The following CYP4X1 variants were observed in gnomAD, a reference collection of about 807,000 sequenced individuals.
The protein encoded by CYP4X1 is cytochrome P450 family 4 subfamily X member 1.
In CYP4X1, 44 loss-of-function variants were observed where a neutral mutation model predicts 57.9. The observed-to-expected ratio is 0.76, with a 90% CI of 0.60 to 0.98. The LOEUF (loss-of-function observed/expected upper bound fraction) is 0.98, where lower values mean the gene tolerates loss of function less well. CYP4X1 is among the 50% of genes least tolerant of loss of function. CYP4X1 has a pLI of 0.00. For missense variants in CYP4X1, 532 were observed against 623.9 expected (o/e 0.85, Z 1.57); for synonymous variants, 227 against 228.6 (o/e 0.99, Z 0.06).
chr1:47,051,336 G>A (rs1331014639), downstream of CYP4X1, among the ~76,000 whole-genome samples: 20 of 148,352 alleles, frequency 1.3e-4, no homozygotes, highest in South Asian at 2.1e-4. Context: ...CCGAGGTGGC[G>A]CCACTGCACT....
the CYP4X1 span, among the ~76,000 whole-genome samples, chr1:46,963,275 T>C: frequency 6.6e-6 from 1 of 152,210 alleles, no homozygotes; most frequent in Non-Finnish European, 1.5e-5. Context: ...TATTGTTATG[T>C]GTGAATTTGA....
intron 8 of CYP4X1, 144 bp from the exon 9 acceptor site, chr1:47,046,323 G>A (rs1258753885): frequency 1.9e-6 from 2 of 1,063,380 alleles, no homozygotes; most frequent in East Asian, 5.2e-5. Flanking sequence ...CTGAGGCAGA[G>A]AGTCCCATTT....
intron 8 of CYP4X1, among the ~76,000 whole-genome samples, chr1:47,042,131 TTA>T (rs932963001): frequency 2.0e-5 from 3 of 152,078 alleles, no homozygotes; most frequent in African/African-American, 7.2e-5. Flanking sequence ...TTTTATTAGT[TTA>T]TATGTCTCTT....
the CYP4X1 span, among the ~76,000 whole-genome samples, chr1:47,015,382 C>T: frequency 1.3e-5 from 2 of 152,134 alleles, no homozygotes; most frequent in East Asian, 1.9e-4. Flanking sequence ...TCGTCAATGC[C>T]CCCAGCAATA....
chr1:47,023,651 G>T (rs1644023068), upstream of CYP4X1: 1 of 1,410,006 alleles, frequency 7.1e-7, no homozygotes, highest in Non-Finnish European at 9.2e-7. Flanking sequence ...CTCTCCCCAG[G>T]CCTGAGCTGC....
chr1:46,995,721 C>A, the CYP4X1 span, among the ~76,000 whole-genome samples: 1 of 152,198 alleles, frequency 6.6e-6, no homozygotes, highest in Non-Finnish European at 1.5e-5. Flanking sequence ...TGTGCCCCTG[C>A]CTTGTGACAA....
intron 1 of CYP4X1, among the ~76,000 whole-genome samples, chr1:47,025,007 A>G (rs1023781366): frequency 6.6e-6 from 1 of 152,204 alleles, no homozygotes; most frequent in African/African-American, 2.4e-5. Context: ...AAGTTTAGAC[A>G]TCTGCTGTGG....
chr1:46,973,311 C>T, the CYP4X1 span, among the ~76,000 whole-genome samples: 1 of 152,164 alleles, frequency 6.6e-6, no homozygotes, highest in African/African-American at 2.4e-5. Flanking sequence ...TTTGGATGTG[C>T]TGCTGGATTC....
At position 47,045,249 on chromosome 1, in the gene CYP4X1, G is replaced by T. The variant is rs139751204; in HGVS notation, c.1074-1218G>T. Among the ~76,000 whole-genome samples the T allele has an allele frequency of 9.9e-5, 15 of 152,248 alleles. No homozygotes were observed. In the East Asian group the frequency reaches 2.7e-3, roughly 27 times the overall value. ...AGAAAAACATATAAAAACACAATAAGATAAACAGACTAAATATATGCAGTC... is the reference window on the plus strand; with the variant it reads ...AGAAAAACATATAAAAACACAATAATATAAACAGACTAAATATATGCAGTC... On this transcript the variant is annotated intron_variant, in intron 8 of 11. Transcript: ENST00000371901.
chr1:47,023,928 G>A lies in CYP4X1; in HGVS notation c.111G>A (p.Gln37=). Reference sequence around the variant, plus strand: ...CCATTAAGCTGTACCTGCGGAGGCAGCGGCTGCTGCGGGACCTGCGCCCCT... The same window carrying A: ...CCATTAAGCTGTACCTGCGGAGGCAACGGCTGCTGCGGGACCTGCGCCCCT... ...LQAIKLYLRR[Q]RLLRDLRPFP... is the part of the protein sequence containing the mutation. Residue 37 remains glutamine (Q), a synonymous_variant, in exon 1 of 12, where the codon CAG becomes CAA. Transcript: ENST00000371901. The A allele has an allele frequency of 6.2e-7, 1 of 1,613,546 alleles. No homozygotes were observed.
chr1:47,036,449 G>C (rs1480095644), intron 6 of CYP4X1, among the ~76,000 whole-genome samples: 1 of 147,338 alleles, frequency 6.8e-6, no homozygotes, highest in African/African-American at 2.5e-5. Flanking sequence ...AAGAGTTCCA[G>C]ACATACATGG....
At chr1:46,991,132 C>G in the CYP4X1 span, among the ~76,000 whole-genome samples, 1 of 152,074 alleles carries the variant, frequency 6.6e-6, no homozygotes, top group Non-Finnish European at 1.5e-5. Context: ...TGTTCCCCCT[C>G]TTGCTCCCAG....
chr1:46,986,925 T>C, the CYP4X1 span, among the ~76,000 whole-genome samples: 4 of 152,076 alleles, frequency 2.6e-5, no homozygotes, highest in East Asian at 1.9e-4. Context: ...TGCAAAAATA[T>C]ACCAAATTGT....
chr1:47,053,449 T>C (rs34704832), downstream of CYP4X1, among the ~76,000 whole-genome samples: 66,263 of 151,932 alleles, frequency 0.44, 16,043 homozygotes, highest in East Asian at 0.97. Context: ...GGGATGGCTG[T>C]GTCAAATGGT....
chr1:46,968,466 C>A, the CYP4X1 span, among the ~76,000 whole-genome samples: 1 of 152,200 alleles, frequency 6.6e-6, no homozygotes, highest in African/African-American at 2.4e-5. Flanking sequence ...CTGTGCAGCC[C>A]ATGTCCTTGT....
chr1:46,968,354 C>T, the CYP4X1 span, among the ~76,000 whole-genome samples: 1 of 152,184 alleles, frequency 6.6e-6, no homozygotes, highest in Non-Finnish European at 1.5e-5. Context: ...AAGCCACATC[C>T]CAGCTTAGAC....
chr1:46,989,847 T>C, the CYP4X1 span, among the ~76,000 whole-genome samples: 1 of 152,374 alleles, frequency 6.6e-6, no homozygotes, highest in African/African-American at 2.4e-5. Context: ...GCTAGCCATA[T>C]GCAGAAAGCT....
At chr1:46,979,107 G>C in the CYP4X1 span, among the ~76,000 whole-genome samples, 2 of 151,944 alleles carry the variant, frequency 1.3e-5, no homozygotes, top group South Asian at 4.2e-4. Flanking sequence ...CTAGCAGAAG[G>C]CAAGAAATAA....
intron 6 of CYP4X1, 78 bp downstream of exon 6, chr1:47,036,249 A>C (rs1644180625): frequency 1.4e-6 from 2 of 1,426,536 alleles, no homozygotes; most frequent in African/African-American, 2.9e-5. Context: ...ATAAACCTTA[A>C]TATGACAAGA....
Sources: gnomAD v4.1 joint callset for allele counts (sites outside exome capture counted in the v4.1 genomes callset) on GRCh38, gnomAD v4.1.1 for gene constraint, MANE v1.5 for transcripts, NCBI Gene and HGNC (gene_info 2026-07-23, HGNC 2026-07-21) for gene names.